The following BBX variants were observed in gnomAD, a reference collection of about 807,000 sequenced individuals.
BBX encodes HMG box transcription factor BBX.
In BBX, 30 loss-of-function variants were observed where a neutral mutation model predicts 100.2. The ratio of observed to expected loss-of-function variants is 0.30; its 90% confidence interval spans 0.22 to 0.41. The LOEUF is 0.41. Among genes scored for constraint, BBX ranks in the 10% least tolerant of loss-of-function variants. The probability of loss-of-function intolerance (pLI) is 1.00; values close to 1 mark genes in which losing one functional copy is unlikely to be tolerated. For synonymous variants in BBX, 376 were observed against 388.1 expected (o/e 0.97, Z 0.37); for missense variants, 1,023 against 1,129.8 (o/e 0.91, Z 1.35).
At chr3:107,757,311 T>C (rs1203757479) in intron 10 of BBX, among the ~76,000 whole-genome samples, 1 of 152,060 alleles carries the variant, frequency 6.6e-6, no homozygotes, top group Non-Finnish European at 1.5e-5. Flanking sequence ...AAAAAAAGGA[T>C]TCCTTATTAA....
chr3:107,623,709 A>G (rs1324931633), intron 2 of BBX, among the ~76,000 whole-genome samples: 1 of 152,204 alleles, frequency 6.6e-6, no homozygotes, highest in African/African-American at 2.4e-5. Context: ...AGAAGGGGTC[A>G]TGAAAGTGAA....
At chr3:107,676,179 ATAAC>A (rs2059270309) in intron 3 of BBX, among the ~76,000 whole-genome samples, 1 of 152,326 alleles carries the variant, frequency 6.6e-6, no homozygotes, top group Non-Finnish European at 1.5e-5. Context: ...CAATGAGTCT[ATAAC>A]TAAGGTAATT....
intron 3 of BBX, among the ~76,000 whole-genome samples, chr3:107,663,830 G>A (rs1414572401): frequency 1.8e-4 from 26 of 146,654 alleles, no homozygotes; most frequent in African/African-American, 5.6e-4. Flanking sequence ...TTTTGAGATG[G>A]AGCCTCACGC....
At chr3:107,748,071 A>G in intron 9 of BBX, 32 bp downstream of exon 9, 1 of 1,576,616 alleles carries the variant, frequency 6.3e-7, no homozygotes, top group African/African-American at 1.4e-5. Context: ...TTTTAGGCTA[A>G]GAAAACTTGT....
chr3:107,682,916 T>TAA (rs2059642995), intron 3 of BBX, among the ~76,000 whole-genome samples: 1 of 152,200 alleles, frequency 6.6e-6, no homozygotes, highest in Non-Finnish European at 1.5e-5. Flanking sequence ...GCCTGATACT[T>TAA]TGTCCTCCAT....
intron 8 of BBX, among the ~76,000 whole-genome samples, chr3:107,745,809 C>T (rs748623768): frequency 4.3e-4 from 66 of 152,052 alleles, no homozygotes; most frequent in Middle Eastern, 3.2e-3. Flanking sequence ...TTGGTCCCAA[C>T]TTTGAAAGCA....
chr3:107,543,987 A>G (rs1237519791), intron 2 of BBX, among the ~76,000 whole-genome samples: 3 of 152,240 alleles, frequency 2.0e-5, no homozygotes, highest in Admixed American at 6.5e-5. Context: ...ATCCATTTAC[A>G]TGTATGCAGG....
intron 2 of BBX, among the ~76,000 whole-genome samples, chr3:107,535,181 G>A (rs1035595799): frequency 6.6e-6 from 1 of 152,168 alleles, no homozygotes; most frequent in Non-Finnish European, 1.5e-5. Context: ...TGCCATTAGG[G>A]CCACATTCCA....
At chr3:107,533,888 G>C (rs565507439) in intron 2 of BBX, among the ~76,000 whole-genome samples, 1 of 152,190 alleles carries the variant, frequency 6.6e-6, no homozygotes, top group East Asian at 1.9e-4. Context: ...TCTGTTCTCA[G>C]ATGAGAATGT....
chr3:107,615,173 G>A (rs116186460), intron 2 of BBX, among the ~76,000 whole-genome samples: 79 of 152,232 alleles, frequency 5.2e-4, no homozygotes, highest in Admixed American at 1.4e-3. Flanking sequence ...TGTTGAGGAT[G>A]GGAAGAAGTG....
chr3:107,697,468 C>T lies in BBX; in HGVS notation c.-9-12984C>T, dbSNP rs1016557643. ...TGGAGTACCTGGCCTTGTGAGGTGT[C>T]AGTCTGCCCCTGCTGGGGGTGCCTC... On this transcript the variant is annotated intron_variant, in intron 3 of 17. Coordinates refer to ENST00000325805, the MANE Select transcript of BBX (RefSeq NM_001142568.3). Among the ~76,000 whole-genome samples the T allele has an allele frequency of 3.9e-4, 59 of 151,910 alleles. 1 individual carries two copies. Among genetic ancestry groups the T allele is most frequent in the Middle Eastern group, 6.8e-3 (2 of 292 alleles).
chr3:107,636,963 A>G (rs568602070), intron 2 of BBX, among the ~76,000 whole-genome samples: 15 of 152,268 alleles, frequency 9.9e-5, no homozygotes, highest in Non-Finnish European at 1.8e-4. Context: ...TTAAAGGAGA[A>G]TTACTCTTCA....
chr3:107,560,753 AG>A (rs2050432118), intron 2 of BBX, among the ~76,000 whole-genome samples: 1 of 152,226 alleles, frequency 6.6e-6, no homozygotes, highest in African/African-American at 2.4e-5. Flanking sequence ...AGCTTAAGCT[AG>A]TACAAACAGG....
intron 10 of BBX, among the ~76,000 whole-genome samples, chr3:107,771,164 C>T (rs904612733): frequency 6.6e-6 from 1 of 150,956 alleles, no homozygotes; most frequent in Admixed American, 6.6e-5. Context: ...ATAAGTTCCT[C>T]AAAGGCAGAC....
At chr3:107,717,096 A>G (rs1228282407) in intron 5 of BBX, among the ~76,000 whole-genome samples, 9 of 152,186 alleles carry the variant, frequency 5.9e-5, no homozygotes, top group Admixed American at 5.2e-4. Context: ...CTCATTGTCT[A>G]TACCCCACTG....
chr3:107,756,200 A>G (rs1301831651), intron 10 of BBX, among the ~76,000 whole-genome samples: 6 of 152,172 alleles, frequency 3.9e-5, no homozygotes, highest in African/African-American at 1.4e-4. Context: ...GCTTTCATAA[A>G]GCTGGTGAGG....
intron 3 of BBX, among the ~76,000 whole-genome samples, chr3:107,665,021 G>T (rs765503427): frequency 6.6e-6 from 1 of 152,006 alleles, no homozygotes; most frequent in Non-Finnish European, 1.5e-5. Context: ...TCCTAATCTC[G>T]TAATGGGTAC....
chr3:107,556,302 A>G (rs1402955032), intron 2 of BBX, among the ~76,000 whole-genome samples: 1 of 152,226 alleles, frequency 6.6e-6, no homozygotes, highest in Non-Finnish European at 1.5e-5. Context: ...TCTATTTATT[A>G]GTATATATAA....
intron 10 of BBX, among the ~76,000 whole-genome samples, chr3:107,766,465 A>T (rs752058819): frequency 2.6e-5 from 4 of 152,196 alleles, no homozygotes; most frequent in African/African-American, 4.8e-5. Flanking sequence ...CTTTGTCTGG[A>T]TTAGAGAAGA....
Sources: gnomAD v4.1 joint callset for allele counts (sites outside exome capture counted in the v4.1 genomes callset) on GRCh38, gnomAD v4.1.1 for gene constraint, MANE v1.5 for transcripts, NCBI Gene and HGNC (gene_info 2026-07-23, HGNC 2026-07-21) for gene names.